The following TRPM3 variants were observed in gnomAD, a reference collection of about 807,000 sequenced individuals.
TRPM3 encodes the protein long transient receptor potential channel 3.
A neutral mutation model predicts 181.2 loss-of-function variants in TRPM3; 77 were observed. That is an observed-to-expected ratio of 0.42 (90% CI 0.35 to 0.51). TRPM3 has a LOEUF of 0.51. TRPM3 is among the 20% of genes least tolerant of loss of function. The pLI, the probability that TRPM3 is intolerant of heterozygous loss-of-function variation, is 0.01. For synonymous variants in TRPM3, 745 were observed against 796.4 expected, an observed-to-expected ratio of 0.94 and a Z score of 1.09; for missense variants, 1,759 against 2,196.7, an observed-to-expected ratio of 0.80 and a Z score of 3.98.
chr9:70,699,660 C>A (rs2071756113), intron 8 of TRPM3, among the ~76,000 whole-genome samples: 1 of 152,166 alleles, frequency 6.6e-6, no homozygotes, highest in Non-Finnish European at 1.5e-5. Flanking sequence ...GTGACAGAAT[C>A]AAGATTTGAC....
At chr9:70,907,674 T>C (rs2096486630) in intron 1 of TRPM3, among the ~76,000 whole-genome samples, 1 of 152,188 alleles carries the variant, frequency 6.6e-6, no homozygotes, top group Non-Finnish European at 1.5e-5. Flanking sequence ...TCGTACCCAA[T>C]AGGTAGTTTT....
chr9:71,123,088 A>G (rs1289581617), upstream of TRPM3, among the ~76,000 whole-genome samples: 2 of 152,218 alleles, frequency 1.3e-5, no homozygotes, highest in Non-Finnish European at 2.9e-5. Context: ...CAAGTCTAAC[A>G]TACTAGTATA....
chr9:70,940,250 TAAC>T (rs1241334595), intron 1 of TRPM3, among the ~76,000 whole-genome samples: 1 of 152,150 alleles, frequency 6.6e-6, no homozygotes, highest in Non-Finnish European at 1.5e-5. Flanking sequence ...GAAGGAAACT[TAAC>T]ACAAAAAAAA....
At chr9:71,135,892 C>T (rs918852578) in intron 1 of TRPM3, among the ~76,000 whole-genome samples, 6 of 152,160 alleles carry the variant, frequency 3.9e-5, no homozygotes, top group Non-Finnish European at 8.8e-5. Context: ...TTATTGTTTG[C>T]TGAGAAGTTA....
chr9:71,380,098 A>C (rs2092763328), intron 1 of TRPM3, among the ~76,000 whole-genome samples: 1 of 152,042 alleles, frequency 6.6e-6, no homozygotes, highest in Admixed American at 6.6e-5. Flanking sequence ...TCTTGACTAA[A>C]ATTGTTAGTA....
chr9:70,748,876 T>C (rs1289860326), intron 8 of TRPM3, among the ~76,000 whole-genome samples: 1 of 151,892 alleles, frequency 6.6e-6, no homozygotes, highest in East Asian at 1.9e-4. Flanking sequence ...TAAGAAAAAA[T>C]TAGTTTATTT....
intron 1 of TRPM3, among the ~76,000 whole-genome samples, chr9:71,097,609 T>C (rs948456258): frequency 6.6e-6 from 1 of 151,456 alleles, no homozygotes; most frequent in African/African-American, 2.4e-5. Context: ...ATATATTCCA[T>C]ATAGGACCAA....
intron 1 of TRPM3, among the ~76,000 whole-genome samples, chr9:71,220,074 G>T (rs755574301): frequency 1.3e-5 from 2 of 152,072 alleles, no homozygotes; most frequent in African/African-American, 4.8e-5. Context: ...ATTGTTTATT[G>T]TATCTATTTC....
intron 1 of TRPM3, among the ~76,000 whole-genome samples, chr9:71,315,517 C>T (rs910382149): frequency 6.6e-6 from 1 of 152,116 alleles, no homozygotes; most frequent in Admixed American, 6.6e-5. Flanking sequence ...GATTTTATAG[C>T]TTGAGCTCTA....
At chr9:70,907,308 T>G (rs2096481051) in intron 1 of TRPM3, among the ~76,000 whole-genome samples, 1 of 152,208 alleles carries the variant, frequency 6.6e-6, no homozygotes, top group African/African-American at 2.4e-5. Flanking sequence ...GCCTCCTTGT[T>G]TCAGTTGCAT....
chr9:70,754,799 C>T lies in TRPM3; in HGVS notation c.1272+6802G>A, dbSNP rs186811918. On this transcript the variant is annotated intron_variant, in intron 8 of 25. Coordinates refer to ENST00000677713, the MANE Select transcript of TRPM3 (RefSeq NM_001366145.2). The stretch of plus-strand genomic sequence containing the variant: ...AAGGATACAAGAGAAAAGAGAAACT[C>T]TATGACGATGCAATGCCTCCTTGTT... Among the ~76,000 whole-genome samples, 3 of 152,262 alleles carry T rather than the reference C, an allele frequency of 2.0e-5. No individual in the cohort carries two copies. The East Asian group carries it at 5.8e-4, about 29-fold the overall frequency.
rs1403503971 is a variant in TRPM3, at chr9:70,845,483, C to T, written c.676+895G>A. The stretch of plus-strand genomic sequence containing the variant: ...TCGAACTCCTGATCTCAGGTGATCC[C>T]CCTGCCTCGGCCTCCCAAAGAGCTG... On this transcript the variant is annotated intron_variant, in intron 4 of 25. Transcript: ENST00000677713. Among the ~76,000 whole-genome samples the T allele has an allele frequency of 2.6e-5, 4 of 152,030 alleles. No homozygotes were observed. In the East Asian group the frequency reaches 7.7e-4, roughly 29 times the overall value.
intron 1 of TRPM3, among the ~76,000 whole-genome samples, chr9:71,353,103 T>TC (rs2091732065): frequency 6.6e-6 from 1 of 152,108 alleles, no homozygotes; most frequent in Admixed American, 6.6e-5. Context: ...CCACCTGCTC[T>TC]CTCTGCTTGA....
chr9:70,602,106 C>CGTTTTTTT lies in TRPM3; in HGVS notation c.2796+1235_2796+1236insAAAAAAAC, dbSNP rs778037711. Among the ~76,000 whole-genome samples, 26 of 128,204 alleles carry CGTTTTTTT rather than the reference C, an allele frequency of 2.0e-4. 1 individual carries two copies. Among genetic ancestry groups the CGTTTTTTT allele is most frequent in the Admixed American group, 3.3e-4 (4 of 12,072 alleles). 84.1% of individuals were successfully genotyped at this position (128,204 alleles called of 152,430 possible). A position where few individuals can be genotyped will look rare whatever the true frequency, so the allele number is the denominator to read the frequency against. On this transcript the variant is annotated intron_variant, in intron 20 of 25. Coordinates refer to ENST00000677713, the MANE Select transcript of TRPM3 (RefSeq NM_001366145.2). ...CCAGCTGGAACAAGGCAAGGCATTC[C>CGTTTTTTT]TTTTTTTTTTTTTTTTTTAAATCCA...
chr9:70,587,792 A>G (rs2057387526), intron 22 of TRPM3, among the ~76,000 whole-genome samples: 2 of 152,194 alleles, frequency 1.3e-5, no homozygotes, highest in South Asian at 4.1e-4. Flanking sequence ...GAGAGCTAGG[A>G]TTCTATATAG....
chr9:71,195,439 T>C (rs1050412013), intron 1 of TRPM3, among the ~76,000 whole-genome samples: 2 of 152,014 alleles, frequency 1.3e-5, no homozygotes, highest in Admixed American at 1.3e-4. Flanking sequence ...AGAATGGCTA[T>C]TATTAAAATG....
intron 8 of TRPM3, among the ~76,000 whole-genome samples, chr9:70,750,636 C>T (rs1008583406): frequency 9.2e-5 from 14 of 152,096 alleles, no homozygotes; most frequent in African/African-American, 2.9e-4. Flanking sequence ...GAGACACTGC[C>T]GAAAGAAACT....
chr9:71,118,120 G>T (rs906544280), intron 1 of TRPM3, among the ~76,000 whole-genome samples: 1 of 152,282 alleles, frequency 6.6e-6, no homozygotes, highest in South Asian at 2.1e-4. Flanking sequence ...CAACAGAAGA[G>T]AAATGATGTA....
intron 1 of TRPM3, among the ~76,000 whole-genome samples, chr9:71,117,895 A>T (rs2072777785): frequency 1.3e-5 from 2 of 152,178 alleles, no homozygotes; most frequent in South Asian, 4.1e-4. Context: ...TAAGTTCGCC[A>T]AGACTTCAAT....
Sources: gnomAD v4.1 joint callset for allele counts (sites outside exome capture counted in the v4.1 genomes callset) on GRCh38, gnomAD v4.1.1 for gene constraint, MANE v1.5 for transcripts, NCBI Gene and HGNC (gene_info 2026-07-23, HGNC 2026-07-21) for gene names.